Variants in COMMD1 observed in about 807,000 individuals in gnomAD.
COMMD1 encodes the protein COMM domain-containing protein 1.
Under a neutral mutation model 17.2 loss-of-function variants are expected in COMMD1, and 10 were observed. The observed-to-expected ratio is 0.58, with a 90% CI of 0.36 to 0.99. COMMD1 has a LOEUF of 0.99. Ranked by LOEUF, COMMD1 falls within the 50% of genes least tolerant of loss-of-function variation. The pLI is 0.01. For missense variants in COMMD1, 270 were observed against 231.8 expected, an observed-to-expected ratio of 1.17 and a Z score of -1.07; for synonymous variants, 97 against 91.6, an observed-to-expected ratio of 1.06 and a Z score of -0.34.
intron 1 of COMMD1, among the ~76,000 whole-genome samples, chr2:61,892,578 C>T (rs1032306927): frequency 1.3e-5 from 2 of 151,776 alleles, no homozygotes; most frequent in African/African-American, 4.8e-5. Context: ...CCTGTATTCC[C>T]AGCTACTGGG....
chr2:61,935,104 G>A (rs781333325), intron 1 of COMMD1, among the ~76,000 whole-genome samples: 16 of 152,166 alleles, frequency 1.1e-4, no homozygotes, highest in Non-Finnish European at 1.9e-4. Context: ...CAGCTTGTAG[G>A]GCTTTGGGAC....
At chr2:61,985,347 G>C (rs1672079217) in intron 1 of COMMD1, among the ~76,000 whole-genome samples, 1 of 152,140 alleles carries the variant, frequency 6.6e-6, no homozygotes, top group African/African-American at 2.4e-5. Flanking sequence ...ACCGCACCCG[G>C]CCCTATGTGT....
At chr2:62,024,203 G>T (rs1009195675) in intron 2 of COMMD1, among the ~76,000 whole-genome samples, 11 of 152,066 alleles carry the variant, frequency 7.2e-5, no homozygotes, top group Non-Finnish European at 1.6e-4. Flanking sequence ...TCACGGTGAT[G>T]ATTTTTTTGT....
chr2:61,915,961 T>A (rs1429122773), intron 1 of COMMD1, among the ~76,000 whole-genome samples: 1 of 150,868 alleles, frequency 6.6e-6, no homozygotes, highest in Non-Finnish European at 1.5e-5. Flanking sequence ...CATGAGCCAC[T>A]GCGCCCAGCC....
intron 2 of COMMD1, among the ~76,000 whole-genome samples, chr2:62,081,110 A>G (rs547748525): frequency 2.6e-5 from 4 of 152,224 alleles, no homozygotes; most frequent in Non-Finnish European, 4.4e-5. Context: ...AAAGGTATAC[A>G]TGCATTAATT....
intron 2 of COMMD1, among the ~76,000 whole-genome samples, chr2:62,098,307 C>G (rs569710693): frequency 1.4e-4 from 21 of 151,842 alleles, no homozygotes; most frequent in African/African-American, 4.6e-4. Flanking sequence ...TACAGGCATG[C>G]GCCACCACAC....
chr2:62,131,482 A>G (rs930707749), intron 2 of COMMD1, among the ~76,000 whole-genome samples: 3 of 152,188 alleles, frequency 2.0e-5, no homozygotes, highest in Non-Finnish European at 4.4e-5. Context: ...CTTGATAAGC[A>G]TCACATCTGC....
chr2:62,019,612 G>A (rs1268663887), intron 2 of COMMD1, among the ~76,000 whole-genome samples: 1 of 152,132 alleles, frequency 6.6e-6, no homozygotes, highest in South Asian at 2.1e-4. Context: ...TTTGGGGGAC[G>A]CATTCAGACC....
intron 2 of COMMD1, among the ~76,000 whole-genome samples, chr2:62,105,613 C>T (rs1672308427): frequency 6.6e-6 from 1 of 152,156 alleles, no homozygotes; most frequent in Admixed American, 6.5e-5. Flanking sequence ...CACCTGAGGT[C>T]AGAAGTTCGA....
At chr2:62,012,002 C>A (rs1482770696) in intron 2 of COMMD1, among the ~76,000 whole-genome samples, 3 of 152,058 alleles carry the variant, frequency 2.0e-5, no homozygotes, top group Non-Finnish European at 4.4e-5. Context: ...AATCCTGGCA[C>A]TGTGGGAGGC....
intron 2 of COMMD1, among the ~76,000 whole-genome samples, chr2:62,080,195 G>A (rs960292972): frequency 6.8e-6 from 1 of 147,712 alleles, no homozygotes; most frequent in Non-Finnish European, 1.5e-5. Flanking sequence ...GCTCATGCCT[G>A]TAATCCCAGT....
chr2:61,951,007 G>A (rs1212463002), intron 1 of COMMD1, among the ~76,000 whole-genome samples: 1 of 152,214 alleles, frequency 6.6e-6, no homozygotes, highest in East Asian at 1.9e-4. Flanking sequence ...GAGGGGTTTA[G>A]GGCTTCAATT....
chr2:61,928,591 ATGT>A (rs1670386163), intron 1 of COMMD1: 4 of 152,186 alleles, frequency 2.6e-5, no homozygotes. Context: ...CTACCCCAAA[ATGT>A]TGTACCTTGA....
chr2:62,038,245 G>A (rs533327373), intron 2 of COMMD1, among the ~76,000 whole-genome samples: 1 of 152,250 alleles, frequency 6.6e-6, no homozygotes, highest in African/African-American at 2.4e-5. Context: ...CCGAGATGGC[G>A]CCATTGCACT....
chr2:61,949,501 A>G (rs1670995716), intron 1 of COMMD1, among the ~76,000 whole-genome samples: 1 of 152,204 alleles, frequency 6.6e-6, no homozygotes, highest in Non-Finnish European at 1.5e-5. Context: ...TGGCTTACCC[A>G]TGGATGCAAT....
intron 2 of COMMD1, among the ~76,000 whole-genome samples, chr2:62,015,973 A>G (rs184844161): frequency 1.8e-3 from 267 of 151,844 alleles, no homozygotes; most frequent in Non-Finnish European, 2.9e-3. Flanking sequence ...CTGGGATTAC[A>G]GGCACACACC....
chr2:61,984,690 A>T (rs1672055705), intron 1 of COMMD1, among the ~76,000 whole-genome samples: 1 of 152,202 alleles, frequency 6.6e-6, no homozygotes, highest in Non-Finnish European at 1.5e-5. Flanking sequence ...TATAGTGCAG[A>T]TGAAGTTAAA....
At chr2:61,900,582 A>G (rs112950724) in intron 1 of COMMD1, among the ~76,000 whole-genome samples, 3 of 152,212 alleles carry the variant, frequency 2.0e-5, no homozygotes, top group African/African-American at 7.2e-5. Flanking sequence ...AGTTGTGTCT[A>G]AACTCTAAAA....
At chr2:61,889,506 C>T (rs530981799) in intron 1 of COMMD1, among the ~76,000 whole-genome samples, 14 of 152,298 alleles carry the variant, frequency 9.2e-5, no homozygotes, top group Admixed American at 5.9e-4. Flanking sequence ...CCACCGCGCC[C>T]ACCCGGAGGT....
Sources: gnomAD v4.1 joint callset for allele counts (sites outside exome capture counted in the v4.1 genomes callset) on GRCh38, gnomAD v4.1.1 for gene constraint, MANE v1.5 for transcripts, NCBI Gene and HGNC (gene_info 2026-07-23, HGNC 2026-07-21) for gene names.